Variants in CNTN4 observed in about 807,000 individuals in gnomAD.
CNTN4 encodes the protein contactin 4.
A neutral mutation model predicts 122.5 loss-of-function variants in CNTN4; 77 were observed. The ratio of observed to expected loss-of-function variants is 0.63; its 90% confidence interval spans 0.52 to 0.76. CNTN4 has a LOEUF of 0.76. CNTN4 is among the 30% of genes least tolerant of loss of function. The probability of loss-of-function intolerance (pLI) is 0.00; values close to 1 mark genes in which losing one functional copy is unlikely to be tolerated. For missense variants in CNTN4, 1,256 were observed against 1,259.1 expected (o/e 1.00, Z 0.04); for synonymous variants, 512 against 447.0 (o/e 1.15, Z -1.83).
At chr3:2,415,059 T>G (rs1265737593) in intron 3 of CNTN4, among the ~76,000 whole-genome samples, 3 of 152,206 alleles carry the variant, frequency 2.0e-5, no homozygotes. Context: ...TCAATTTCTA[T>G]TTTGGTAACT....
chr3:2,170,268 C>A (rs578071358), intron 2 of CNTN4, among the ~76,000 whole-genome samples: 2,063 of 151,456 alleles, frequency 0.014, 24 homozygotes, highest in Admixed American at 0.026. Flanking sequence ...TGCAGTGAGC[C>A]GAGATCGCGC....
At chr3:2,198,272 A>G (rs959263403) in intron 2 of CNTN4, among the ~76,000 whole-genome samples, 2 of 152,146 alleles carry the variant, frequency 1.3e-5, no homozygotes, top group Non-Finnish European at 2.9e-5. Flanking sequence ...TTTGAAATAT[A>G]TATCTTCTCA....
intron 4 of CNTN4, among the ~76,000 whole-genome samples, chr3:2,722,295 C>CT (rs2087910537): frequency 6.6e-6 from 1 of 152,200 alleles, no homozygotes; most frequent in South Asian, 2.1e-4. Context: ...TTACTTCTCT[C>CT]TGTCTATCCT....
intron 2 of CNTN4, among the ~76,000 whole-genome samples, chr3:2,186,185 GT>G (rs2037254247): frequency 6.6e-6 from 1 of 151,308 alleles, no homozygotes; most frequent in Admixed American, 6.6e-5. Flanking sequence ...GCAGTGTTTG[GT>G]TTTTTGTCCT....
intron 24 of CNTN4, among the ~76,000 whole-genome samples, chr3:3,055,803 A>T (rs1273468450): frequency 6.6e-6 from 1 of 152,120 alleles, no homozygotes; most frequent in African/African-American, 2.4e-5. Flanking sequence ...GGGAGCAGCA[A>T]TTTTCATTTT....
intron 2 of CNTN4, among the ~76,000 whole-genome samples, chr3:2,110,947 T>C (rs978076426): frequency 6.6e-6 from 1 of 152,214 alleles, no homozygotes; most frequent in African/African-American, 2.4e-5. Context: ...ATTCCTGTGT[T>C]ACAGTGTGGA....
intron 6 of CNTN4, among the ~76,000 whole-genome samples, chr3:2,815,303 A>G (rs1387792716): frequency 6.6e-6 from 1 of 152,214 alleles, no homozygotes; most frequent in Non-Finnish European, 1.5e-5. Flanking sequence ...TGAACGGACA[A>G]CCCACAGAGT....
chr3:2,670,736 T>G (rs2084459147), intron 4 of CNTN4, among the ~76,000 whole-genome samples: 1 of 152,224 alleles, frequency 6.6e-6, no homozygotes, highest in African/African-American at 2.4e-5. Context: ...TGGTACCGGT[T>G]GTTCCTTTCC....
rs377511411 is a variant in CNTN4 at position 2,993,618 on chromosome 3, G to A, written c.1486+5146G>A. Among the ~76,000 whole-genome samples, 9 of 151,882 alleles carry A rather than the reference G, an allele frequency of 5.9e-5. No individual in the cohort carries two copies. In the East Asian group the frequency reaches 1.5e-3, roughly 26 times the overall value. Reference sequence around the variant, plus strand: ...CCCCCCGAGACTGTGTAATATATAAGTACCTATATAATATCCTCAACTTTG... The same window carrying A: ...CCCCCCGAGACTGTGTAATATATAAATACCTATATAATATCCTCAACTTTG... On this transcript the variant is annotated intron_variant, in intron 14 of 24. Coordinates refer to ENST00000418658, the MANE Select transcript of CNTN4 (RefSeq NM_175607.3).
At chr3:2,371,574 G>A (rs1373378424) in intron 3 of CNTN4, among the ~76,000 whole-genome samples, 1 of 152,116 alleles carries the variant, frequency 6.6e-6, no homozygotes, top group Non-Finnish European at 1.5e-5. Flanking sequence ...GTACATAGTA[G>A]GTTCTCAGTA....
chr3:2,743,835 C>T (rs762397013), intron 5 of CNTN4, among the ~76,000 whole-genome samples: 2 of 152,110 alleles, frequency 1.3e-5, no homozygotes, highest in Non-Finnish European at 2.9e-5. Flanking sequence ...GATGAGGTCT[C>T]GCTCTGTTGC....
chr3:2,291,591 A>G (rs116646272), intron 2 of CNTN4, among the ~76,000 whole-genome samples: 2,606 of 152,248 alleles, frequency 0.017, 77 homozygotes, highest in African/African-American at 0.06. Context: ...CCATAGGATA[A>G]TGCTAATATA....
At chr3:3,006,037 C>T (rs1438268949) in intron 14 of CNTN4, among the ~76,000 whole-genome samples, 1 of 152,008 alleles carries the variant, frequency 6.6e-6, no homozygotes, top group South Asian at 2.1e-4. Context: ...AGGCGCCCAC[C>T]CCCACGCTCG....
intron 2 of CNTN4, among the ~76,000 whole-genome samples, chr3:2,267,035 A>T (rs775015496): frequency 2.6e-5 from 4 of 152,146 alleles, no homozygotes; most frequent in Non-Finnish European, 5.9e-5. Context: ...TATGTCTTGT[A>T]AAGAAAGAAA....
chr3:2,436,653 T>C (rs1033456212), intron 3 of CNTN4, among the ~76,000 whole-genome samples: 2 of 152,028 alleles, frequency 1.3e-5, no homozygotes, highest in African/African-American at 4.8e-5. Context: ...AATTATGCCA[T>C]CAACTCTGAC....
chr3:2,364,452 C>A (rs1464892832), intron 3 of CNTN4, among the ~76,000 whole-genome samples: 1 of 152,094 alleles, frequency 6.6e-6, no homozygotes, highest in South Asian at 2.1e-4. Flanking sequence ...AGGGGTCCTA[C>A]TGGAATCTTT....
intron 4 of CNTN4, among the ~76,000 whole-genome samples, chr3:2,733,938 G>A (rs527894086): frequency 6.6e-6 from 1 of 152,316 alleles, no homozygotes; most frequent in East Asian, 1.9e-4. Flanking sequence ...TATAAATGGA[G>A]TAAGGAGAGA....
intron 2 of CNTN4, among the ~76,000 whole-genome samples, chr3:2,147,098 C>G (rs1470775371): frequency 6.6e-6 from 1 of 152,048 alleles, no homozygotes; most frequent in Non-Finnish European, 1.5e-5. Context: ...CCAGGATGGT[C>G]TTGATCTCTT....
At chr3:3,030,574 T>G (rs1699078599) in intron 15 of CNTN4, among the ~76,000 whole-genome samples, 1 of 152,184 alleles carries the variant, frequency 6.6e-6, no homozygotes, top group African/African-American at 2.4e-5. Context: ...ACGTAGGACT[T>G]ATGTAGCATG....
Sources: gnomAD v4.1 joint callset for allele counts (sites outside exome capture counted in the v4.1 genomes callset) on GRCh38, gnomAD v4.1.1 for gene constraint, MANE v1.5 for transcripts, NCBI Gene and HGNC (gene_info 2026-07-23, HGNC 2026-07-21) for gene names.